ABCC12: variants seen among roughly 807,000 people sequenced by gnomAD.
ABCC12 encodes ATP-binding cassette sub-family C member 12.
A neutral mutation model predicts 151.1 loss-of-function variants in ABCC12; 142 were observed. The observed-to-expected ratio is 0.94, with a 90% CI of 0.82 to 1.08. ABCC12 has a LOEUF of 1.08. Among genes scored for constraint, ABCC12 ranks in the 50% least tolerant of loss-of-function variants. ABCC12 has a pLI of 0.00. For missense variants in ABCC12, 1,638 were observed against 1,691.1 expected (o/e 0.97, Z 0.55); for synonymous variants, 645 against 646.4 (o/e 1.00, Z 0.03).
intron 15 of ABCC12, among the ~76,000 whole-genome samples, chr16:48,114,968 C>G (rs1054979567): frequency 6.6e-6 from 1 of 152,212 alleles, no homozygotes; most frequent in African/African-American, 2.4e-5. Flanking sequence ...GGGTGTGATA[C>G]CTGGGGCATC....
intron 2 of ABCC12, among the ~76,000 whole-genome samples, chr16:48,152,404 C>A (rs2150687418): frequency 6.6e-6 from 1 of 152,286 alleles, no homozygotes; most frequent in East Asian, 1.9e-4. Flanking sequence ...TACCACATGT[C>A]CACCCGCTCT....
At chr16:48,103,938 A>T (rs900815280) in intron 22 of ABCC12, among the ~76,000 whole-genome samples, 1 of 152,218 alleles carries the variant, frequency 6.6e-6, no homozygotes, top group African/African-American at 2.4e-5. Flanking sequence ...CCAGTGCCGT[A>T]ATCTTTCAAT....
chr16:48,119,117 C>G (rs1963985514), intron 13 of ABCC12, among the ~76,000 whole-genome samples: 1 of 152,180 alleles, frequency 6.6e-6, no homozygotes, highest in East Asian at 1.9e-4. Context: ...CAGTTTCTGC[C>G]CTAGGAGCAA....
At chr16:48,145,327 C>A (rs1464753265) in intron 3 of ABCC12, among the ~76,000 whole-genome samples, 1 of 152,174 alleles carries the variant, frequency 6.6e-6, no homozygotes, top group Non-Finnish European at 1.5e-5. Flanking sequence ...GGCAGCATTT[C>A]ATAATGTTAT....
chr16:48,124,326 C>G (rs1262156884), intron 11 of ABCC12, 42 bp from the exon 12 acceptor site: 3 of 1,600,914 alleles, frequency 1.9e-6, no homozygotes, highest in Non-Finnish European at 2.6e-6. Flanking sequence ...CTCTCTCCCA[C>G]TTCTTAGAGG....
At chr16:48,139,444 C>G in intron 6 of ABCC12, 108 bp from the exon 7 acceptor site, 1 of 1,258,740 alleles carries the variant, frequency 7.9e-7, no homozygotes, top group Non-Finnish European at 1.1e-6. Context: ...AGGAGAAAAA[C>G]TTCTCTAAAG....
chr16:48,111,405 G>GT (rs1963680467), intron 18 of ABCC12, 31 bp downstream of exon 18: 1 of 1,601,936 alleles, frequency 6.2e-7, no homozygotes, highest in Non-Finnish European at 8.6e-7. Context: ...ATCCTTAAGT[G>GT]TATGTGACTG....
At position 48,128,598 on chromosome 16, in the gene ABCC12, T is replaced by C. The variant is rs1314706012; in HGVS notation, c.1376A>G (p.Gln459Arg). 3 of 1,614,254 alleles carry C rather than the reference T, an allele frequency of 1.9e-6. No homozygotes were observed. In the South Asian group the frequency reaches 3.3e-5, roughly 18 times the overall value. The change falls in exon 11 of 31, where the codon CAG (glutamine) becomes CGG (arginine). Residue 459 changes from glutamine (Q) to arginine (R), a missense_variant. Transcript: ENST00000311303. Reference sequence around the variant, plus strand: ...CTGTTTCTTGCATAAATGCCTTTTCTGGTTCTGCAATTTCTTTGGGGTACT... The same window carrying C: ...CTGTTTCTTGCATAAATGCCTTTTCCGGTTCTGCAATTTCTTTGGGGTACT... ...RKSTPKKLQNQKRHLCKKQRS... is the reference protein window; with the variant it reads ...RKSTPKKLQNRKRHLCKKQRS...
At position 48,100,882 on chromosome 16, in the gene ABCC12, A is replaced by G. The variant is rs760212862; in HGVS notation, c.3028T>C (p.Cys1010Arg). The change falls in exon 23 of 31, where the codon TGC (cysteine) becomes CGC (arginine). Residue 1010 changes from cysteine (C) to arginine (R), a missense_variant. Cys to Arg is a radical substitution (Grantham distance 180). Transcript: ENST00000311303. ...CCACATGGGACTCACTAGGTGATGCAGCTCTCCTTCTTGCCATAGGCGTGA... is the reference window on the plus strand; with the variant it reads ...CCACATGGGACTCACTAGGTGATGCGGCTCTCCTTCTTGCCATAGGCGTGA... ...IIHAYGKKES[C>R]ITYHLLYFNC... The G allele has an allele frequency of 1.9e-6, 3 of 1,614,142 alleles. No individual in the cohort carries two copies. The highest frequency in any genetic ancestry group is 3.3e-5 in the Admixed American group (2 of 60,026).
chr16:48,139,209 G>C lies in ABCC12; in HGVS notation c.785C>G (p.Thr262Arg), dbSNP rs1357172961. 1 of 1,613,934 alleles carries C rather than the reference G, an allele frequency of 6.2e-7. No individual in the cohort carries two copies. The highest frequency in any genetic ancestry group is 1.1e-5 in the South Asian group (1 of 91,014). ...ATACACTGATATCCCGATGAGAGCT[G>C]TGGGCCCCAGAATGAAAAAGGCGTA... The part of the protein sequence containing the change: ...AAYAFFILGP[T>R]ALIGISVYVI... Residue 262 changes from threonine to arginine, a missense_variant, in exon 7 of 31, where the codon ACA becomes AGA. Coordinates refer to ENST00000311303, the MANE Select transcript of ABCC12 (RefSeq NM_001393797.1).
chr16:48,109,248 A>G (rs1455018362), intron 18 of ABCC12, among the ~76,000 whole-genome samples: 1 of 152,216 alleles, frequency 6.6e-6, no homozygotes, highest in Non-Finnish European at 1.5e-5. Context: ...GCCATACAGA[A>G]GAAAACCAGC....
chr16:48,084,930 C>T (rs1271564239), intron 29 of ABCC12, among the ~76,000 whole-genome samples: 1 of 151,974 alleles, frequency 6.6e-6, no homozygotes, highest in Non-Finnish European at 1.5e-5. Flanking sequence ...CTTAACTTCC[C>T]CGAGGCTCTG....
chr16:48,086,927 G>A lies in ABCC12; in HGVS notation c.3636-108C>T, dbSNP rs1292705730. Reference sequence around the variant, plus strand: ...TGGAGGAGGGTAGGAGGTGGCATGTGATGACCTCGTGCTCCAAGAATAGTG... The same window carrying A: ...TGGAGGAGGGTAGGAGGTGGCATGTAATGACCTCGTGCTCCAAGAATAGTG... On this transcript the variant is annotated intron_variant, in intron 27 of 30. Coordinates refer to ENST00000311303, the MANE Select transcript of ABCC12 (RefSeq NM_001393797.1). The A allele has an allele frequency of 7.8e-6, 7 of 898,846 alleles. No homozygotes were observed. The African/African-American group carries it at 1.1e-4, about 15-fold the overall frequency. 55.7% of individuals were successfully genotyped at this position (898,846 alleles called of 1,614,324 possible).
At chr16:48,134,312 G>A (rs904688800) in intron 8 of ABCC12, among the ~76,000 whole-genome samples, 10 of 152,166 alleles carry the variant, frequency 6.6e-5, no homozygotes, top group Admixed American at 2.0e-4. Context: ...GGAAACAAAG[G>A]AAAATCTTGA....
chr16:48,092,064 G>T (rs1211713111), intron 24 of ABCC12, among the ~76,000 whole-genome samples: 1 of 152,232 alleles, frequency 6.6e-6, no homozygotes, highest in Non-Finnish European at 1.5e-5. Context: ...ATGGCCAGCA[G>T]CCACAGAAGC....
chr16:48,083,720 A>T lies in ABCC12; in HGVS notation c.4075T>A (p.Leu1359Met). The change falls in exon 31 of 31, where the codon TTG (leucine) becomes ATG (methionine). Residue 1359 changes from leucine (L) to methionine (M), a missense_variant. Transcript: ENST00000311303. Reference sequence around the variant, plus strand: ...AGAATCAGCCGCCAGGACCTCTACAATCTGACTTCTGCTGCTAGTAACATC... The same window carrying T: ...AGAATCAGCCGCCAGGACCTCTACATTCTGACTTCTGCTGCTAGTAACATC... ...FAMLLAAEVR[L>M] The T allele has an allele frequency of 6.2e-7, 1 of 1,614,150 alleles. No individual in the cohort carries two copies. Among genetic ancestry groups the T allele is most frequent in the Non-Finnish European group, 8.5e-7 (1 of 1,180,012 alleles).
chr16:48,135,521 C>T (rs1964579534), intron 8 of ABCC12, among the ~76,000 whole-genome samples: 1 of 152,108 alleles, frequency 6.6e-6, no homozygotes, highest in Non-Finnish European at 1.5e-5. Flanking sequence ...CCTGAGACCA[C>T]AGGCACATAC....
chr16:48,140,917 C>CAGCATGG lies in ABCC12; in HGVS notation c.426_427insCCATGCT (p.Val143ProfsTer13), dbSNP rs766786025. ...TGCTGGAGGATTTGGTGAATGAGAA[C>CAGCATGG]TGTCTGTAAAACAGCATGGTGGGGA... is the stretch of plus-strand genomic sequence containing the variant. On this transcript the variant is annotated frameshift_variant, in exon 6 of 31. Coordinates refer to ENST00000311303, the MANE Select transcript of ABCC12 (RefSeq NM_001393797.1). LOFTEE classifies it high-confidence loss of function. 1.9e-6 allele frequency: 3 copies of CAGCATGG among 1,613,552 alleles called. No homozygotes were observed. In the Admixed American group the frequency reaches 5.0e-5, roughly 27 times the overall value.
intron 25 of ABCC12, among the ~76,000 whole-genome samples, chr16:48,089,624 G>A (rs1349988357): frequency 2.0e-5 from 3 of 152,132 alleles, no homozygotes; most frequent in African/African-American, 7.2e-5. Context: ...TGGTCAATAA[G>A]CAACCTCATT....
Sources: allele counts gnomAD v4.1 joint callset (sites outside exome capture counted in the v4.1 genomes callset), GRCh38; gene constraint gnomAD v4.1.1; transcripts MANE v1.5; gene names NCBI Gene and HGNC (gene_info 2026-07-23, HGNC 2026-07-21).